Variants in SFI1 observed in about 807,000 individuals in gnomAD.
The protein encoded by SFI1 is protein SFI1 homolog.
Under a neutral mutation model 207.5 loss-of-function variants are expected in SFI1, and 195 were observed. That is an observed-to-expected ratio of 0.94 (90% CI 0.84 to 1.06). SFI1 has a LOEUF of 1.06. SFI1 is among the 50% of genes least tolerant of loss of function. The pLI is 0.00. For synonymous variants in SFI1, 630 were observed against 598.9 expected (o/e 1.05, Z -0.76); for missense variants, 1,634 against 1,588.0 (o/e 1.03, Z -0.49).
At chr22:31,567,067 G>T (rs2062389393) in intron 8 of SFI1, among the ~76,000 whole-genome samples, 1 of 152,038 alleles carries the variant, frequency 6.6e-6, no homozygotes, top group Non-Finnish European at 1.5e-5. Flanking sequence ...CACCACGCCT[G>T]GCTAATTTTT....
chr22:31,612,396 AAAATATAT>A (rs1268638324), intron 24 of SFI1: 79 of 95,730 alleles, frequency 8.3e-4, no homozygotes, highest in Admixed American at 1.1e-3. Context: ...AAAAAAAAAA[AAAATATAT>A]ATATATATAT....
At chr22:31,577,233 G>T (rs563436540) in intron 10 of SFI1, among the ~76,000 whole-genome samples, 1 of 152,282 alleles carries the variant, frequency 6.6e-6, no homozygotes, top group East Asian at 1.9e-4. Context: ...GGTAATGTTT[G>T]TGCAGAGTCT....
chr22:31,513,135 A>G (rs1224045834), intron 2 of SFI1, among the ~76,000 whole-genome samples: 2 of 151,832 alleles, frequency 1.3e-5, no homozygotes, highest in Admixed American at 1.3e-4. Flanking sequence ...AAGCTGTTTA[A>G]CTTATCTGTC....
chr22:31,585,993 C>G (rs1181959794), intron 14 of SFI1, among the ~76,000 whole-genome samples: 1 of 152,078 alleles, frequency 6.6e-6, no homozygotes, highest in African/African-American at 2.4e-5. Flanking sequence ...TTAGATTCAC[C>G]TGTTAGCTAG....
At chr22:31,606,190 G>A in intron 20 of SFI1, 138 bp from the exon 21 acceptor site, 2 of 719,314 alleles carry the variant, frequency 2.8e-6, no homozygotes, top group Non-Finnish European at 4.7e-6. Flanking sequence ...AGTAAACATA[G>A]GTGTTGGTGA....
chr22:31,590,949 C>CTTTT (rs931467794), intron 15 of SFI1, among the ~76,000 whole-genome samples: 5 of 135,072 alleles, frequency 3.7e-5, no homozygotes, highest in Admixed American at 7.6e-5. Flanking sequence ...CAACTTTTTT[C>CTTTT]TTTTTATTTA....
rs551140226 is a variant in SFI1, at chr22:31,609,078, A to T, written c.2254+1045A>T. Among the ~76,000 whole-genome samples, 123 of 151,864 alleles carry T rather than the reference A, an allele frequency of 8.1e-4. 2 individuals are homozygous for T. The South Asian group carries it at 0.025, about 30-fold the overall frequency. On this transcript the variant is annotated intron_variant, in intron 22 of 32. Coordinates refer to ENST00000400288, the MANE Select transcript of SFI1 (RefSeq NM_001007467.3). Reference sequence around the variant, plus strand: ...AGTGGTGCGATCTCGGCTCACTGCAACCTCCACCTCTTGGGGTTCAAGCGA... The same window carrying T: ...AGTGGTGCGATCTCGGCTCACTGCATCCTCCACCTCTTGGGGTTCAAGCGA...
At chr22:31,520,975 C>A (rs2057161021) in intron 2 of SFI1, among the ~76,000 whole-genome samples, 2 of 147,268 alleles carry the variant, frequency 1.4e-5, no homozygotes, top group Admixed American at 6.9e-5. Flanking sequence ...TGCATTCCAG[C>A]CTGGGCAACA....
At chr22:31,581,044 C>T (rs1006510428) in intron 12 of SFI1, among the ~76,000 whole-genome samples, 3 of 151,854 alleles carry the variant, frequency 2.0e-5, no homozygotes, top group Non-Finnish European at 4.4e-5. Flanking sequence ...CTTGTTCTGT[C>T]ACCCAGGCTG....
At chr22:31,617,297 C>CCAAGTCGTCAGA in intron 31 of SFI1, among the ~76,000 whole-genome samples, 1 of 152,158 alleles carries the variant, frequency 6.6e-6, no homozygotes, top group Non-Finnish European at 1.5e-5. Context: ...TTAGGAAGGC[C>CCAAGTCGTCAGA]CAAGTCGTCA....
chr22:31,501,249 G>A (rs915461827), intron 1 of SFI1, among the ~76,000 whole-genome samples: 4 of 150,344 alleles, frequency 2.7e-5, no homozygotes, highest in Non-Finnish European at 4.4e-5. Flanking sequence ...TTGGCTCACT[G>A]CAAGTTCTGC....
chr22:31,606,606 C>G (rs2069020269), intron 21 of SFI1, 176 bp downstream of exon 21: 1 of 535,672 alleles, frequency 1.9e-6, no homozygotes, highest in Middle Eastern at 4.5e-4. Context: ...TAGTTTTTTA[C>G]TGAATTACAA....
chr22:31,604,297 C>G lies in SFI1; in HGVS notation c.1882-12C>G, dbSNP rs2068600770. ...CCCAGCCCACGGTAGCTGCTTTCTC[C>G]TCTGTCTGCAGTGCCTGGCCCTGCG... On this transcript the variant is annotated splice_polypyrimidine_tract_variant and intron_variant, in intron 18 of 32. Coordinates refer to ENST00000400288, the MANE Select transcript of SFI1 (RefSeq NM_001007467.3). 6.4e-7 allele frequency: 1 copy of G among 1,562,724 alleles called. No homozygotes were observed. The highest frequency in any genetic ancestry group is 8.7e-7 in the Non-Finnish European group (1 of 1,155,112).
At chr22:31,598,088 C>T (rs55734125) in intron 15 of SFI1, among the ~76,000 whole-genome samples, 6,656 of 151,778 alleles carry the variant, frequency 0.044, 132 homozygotes, top group Non-Finnish European at 0.049. Flanking sequence ...TGCCATTCTC[C>T]TGCCTCAGCC....
At chr22:31,613,559 G>A (rs780780783) in intron 26 of SFI1, 29 bp downstream of exon 26, 2 of 1,579,044 alleles carry the variant, frequency 1.3e-6, no homozygotes, top group South Asian at 2.3e-5. Context: ...CCTGTGGGGA[G>A]CAGGCAGGGT....
intron 4 of SFI1, chr22:31,538,269 T>G (rs1602335128): frequency 1.6e-4 from 1 of 6,120 alleles, no homozygotes. Context: ...AGCCTTAACC[T>G]TTTTTTTTTT....
chr22:31,549,786 T>C (rs983559747), intron 5 of SFI1, among the ~76,000 whole-genome samples: 1 of 152,008 alleles, frequency 6.6e-6, no homozygotes, highest in Non-Finnish European at 1.5e-5. Flanking sequence ...ATAGAGTTCA[T>C]TGTGATTGTA....
chr22:31,528,683 A>G lies in SFI1; in HGVS notation c.93-7A>G. 1 of 1,611,436 alleles carries G rather than the reference A, an allele frequency of 6.2e-7. No individual in the cohort carries two copies. Among genetic ancestry groups the G allele is most frequent in the Non-Finnish European group, 8.5e-7 (1 of 1,178,450 alleles). ...CTCTCCTTGCCTCTTTCGTCCTCAAATTTAAGGTATTTTAAGGATGGTGCA... is the reference window on the plus strand; with the variant it reads ...CTCTCCTTGCCTCTTTCGTCCTCAAGTTTAAGGTATTTTAAGGATGGTGCA... On this transcript the variant is annotated splice_polypyrimidine_tract_variant and splice_region_variant and intron_variant, in intron 2 of 32. Coordinates refer to ENST00000400288, the MANE Select transcript of SFI1 (RefSeq NM_001007467.3).
Position 31,604,855 on chromosome 22 carries a change from C to T in SFI1, c.1978-14C>T. 1 of 1,610,054 alleles carries T rather than the reference C, an allele frequency of 6.2e-7. No homozygotes were observed. Among genetic ancestry groups the T allele is most frequent in the Non-Finnish European group, 8.5e-7 (1 of 1,177,954 alleles). ...GGGCCCAAGAGCAGCCTCAGTCTTCCTTGTCCCCTACAGACTTACCAGGGC... is the reference window on the plus strand; with the variant it reads ...GGGCCCAAGAGCAGCCTCAGTCTTCTTTGTCCCCTACAGACTTACCAGGGC... On this transcript the variant is annotated splice_polypyrimidine_tract_variant and intron_variant, in intron 19 of 32. Transcript: ENST00000400288.
Sources: gnomAD v4.1 joint callset for allele counts (sites outside exome capture counted in the v4.1 genomes callset) on GRCh38, gnomAD v4.1.1 for gene constraint, MANE v1.5 for transcripts, NCBI Gene and HGNC (gene_info 2026-07-23, HGNC 2026-07-21) for gene names.